Variants in NTSR1 observed in about 807,000 individuals in gnomAD.
NTSR1 encodes the protein neurotensin receptor 1, also known as neurotensin receptor type 1.
Under a neutral mutation model 31.2 loss-of-function variants are expected in NTSR1, and 29 were observed. That is an observed-to-expected ratio of 0.93 (90% CI 0.69 to 1.27). The LOEUF (loss-of-function observed/expected upper bound fraction) is 1.27. Among genes scored for constraint, NTSR1 ranks in the 50% most tolerant of loss-of-function variants. The probability of loss-of-function intolerance (pLI) is 0.00; values close to 1 mark genes in which losing one functional copy is unlikely to be tolerated. For synonymous variants in NTSR1, 282 were observed against 269.9 expected (o/e 1.04, Z -0.44); for missense variants, 697 against 595.4 (o/e 1.17, Z -1.78).
rs1478765163 is a variant in NTSR1 at position 62,725,817 on chromosome 20, G to A, written c.714+15896G>A. Among the ~76,000 whole-genome samples the A allele has an allele frequency of 3.3e-5, 5 of 152,272 alleles. No individual in the cohort carries two copies. The East Asian group carries it at 5.8e-4, about 18-fold the overall frequency. ...AGGGAGAAGAAGGGAGGTGGAAGAA[G>A]GGGGAGGTTGGAGGAGTGAGGGGGA... On this transcript the variant is annotated intron_variant, in intron 1 of 3. Transcript: ENST00000370501.
chr20:62,760,402 A>AC lies in NTSR1; in HGVS notation c.*143dup, dbSNP rs59903116. 1,787 of 862,448 alleles carry AC rather than the reference A, an allele frequency of 2.1e-3. 13 individuals are homozygous for AC. In the African/African-American group the frequency reaches 0.028, roughly 14 times the overall value. 53.4% of individuals were successfully genotyped at this position (862,448 alleles called of 1,614,324 possible). On this transcript the variant is annotated 3_prime_UTR_variant, in exon 4 of 4. Coordinates refer to ENST00000370501, the MANE Select transcript of NTSR1 (RefSeq NM_002531.3). ...CCTGCACTGGAGTCTGAGGCCTGGG[A>AC]CCCCCCCCTCCCACCCCCTAACCCA...
In NTSR1 at chr20:62,732,647, A is replaced by C. The variant is rs1045629007; in HGVS notation, c.715-22038A>C. 4 of 152,194 alleles carry C rather than the reference A, an allele frequency of 2.6e-5. No homozygotes were observed. The highest frequency in any genetic ancestry group is 6.5e-5 in the Admixed American group (1 of 15,274). 9.4% of individuals were successfully genotyped at this position (152,194 alleles called of 1,614,324 possible). A position where few individuals can be genotyped will look rare whatever the true frequency, so the allele number is the denominator to read the frequency against. ...GTTGAGGGTTTTTGCATCTGTGTTC[A>C]TGAGACATCCTGGTCTGCGTTTTCC... On this transcript the variant is annotated intron_variant, in intron 1 of 3. Coordinates refer to ENST00000370501, the MANE Select transcript of NTSR1 (RefSeq NM_002531.3). The surrounding 1 kb of genome is among the most constrained non-coding windows in gnomAD (Gnocchi z 4.0).
chr20:62,734,785 T>C (rs6010993), intron 1 of NTSR1, among the ~76,000 whole-genome samples: 16,047 of 152,254 alleles, frequency 0.11, 2,054 homozygotes, highest in East Asian at 0.31. Context: ...TGCAAGTTGA[T>C]ATGATATTTT....
At chr20:62,739,489 G>A (rs1376764153) in intron 1 of NTSR1, among the ~76,000 whole-genome samples, 2 of 152,252 alleles carry the variant, frequency 1.3e-5, no homozygotes, top group Non-Finnish European at 2.9e-5. Flanking sequence ...GAAGCAAGGA[G>A]AGCCAGGTGT....
intron 1 of NTSR1, among the ~76,000 whole-genome samples, chr20:62,739,253 A>G (rs1989160178): frequency 1.3e-5 from 2 of 152,148 alleles, no homozygotes; most frequent in African/African-American, 2.4e-5. Flanking sequence ...TTGGTTCACC[A>G]AGTCTCCCAC....
intron 1 of NTSR1, among the ~76,000 whole-genome samples, chr20:62,727,930 G>A (rs1443492971): frequency 6.6e-6 from 1 of 152,238 alleles, no homozygotes; most frequent in Non-Finnish European, 1.5e-5. Context: ...CAGCACCTGG[G>A]GCCTGCACTC....
intron 1 of NTSR1, among the ~76,000 whole-genome samples, chr20:62,754,427 A>C (rs533071045): frequency 1.3e-5 from 2 of 152,308 alleles, no homozygotes; most frequent in South Asian, 4.1e-4. Context: ...GGAGGGACTC[A>C]TGAAAGTAGG....
intron 1 of NTSR1, among the ~76,000 whole-genome samples, chr20:62,728,480 G>A (rs1173061275): frequency 6.6e-6 from 1 of 152,276 alleles, no homozygotes; most frequent in Non-Finnish European, 1.5e-5. Flanking sequence ...CTTCATTCCC[G>A]GGGATTTTTA....
At chr20:62,713,376 C>T (rs1988654507) in intron 1 of NTSR1, among the ~76,000 whole-genome samples, 1 of 152,224 alleles carries the variant, frequency 6.6e-6, no homozygotes, top group African/African-American at 2.4e-5. Flanking sequence ...AACCCCTGCT[C>T]CAGAGGCGTC....
chr20:62,712,865 T>G (rs1988643172), intron 1 of NTSR1, among the ~76,000 whole-genome samples: 1 of 152,130 alleles, frequency 6.6e-6, no homozygotes, highest in Non-Finnish European at 1.5e-5. Flanking sequence ...ACACGATCTG[T>G]GTGGCAGGGC....
At chr20:62,746,461 G>C (rs1989303153) in intron 1 of NTSR1, among the ~76,000 whole-genome samples, 1 of 152,214 alleles carries the variant, frequency 6.6e-6, no homozygotes, top group Non-Finnish European at 1.5e-5. Context: ...TCTGACGGCA[G>C]GGGCTCCTAT....
In NTSR1 at chr20:62,760,330, G is replaced by C. The variant is rs1989596788; in HGVS notation, c.*63G>C. The stretch of plus-strand genomic sequence containing the variant: ...CATGGGTCCTTGCCCCCGACAGACA[G>C]AGCAGCCCCCACCCGGGAGCCTTGA... On this transcript the variant is annotated 3_prime_UTR_variant, in exon 4 of 4. Coordinates refer to ENST00000370501, the MANE Select transcript of NTSR1 (RefSeq NM_002531.3). 4 of 1,535,732 alleles carry C rather than the reference G, an allele frequency of 2.6e-6. No individual in the cohort carries two copies. Among genetic ancestry groups the C allele is most frequent in the Admixed American group, 3.6e-5 (2 of 54,808 alleles).
chr20:62,737,066 A>G (rs541427802), intron 1 of NTSR1, among the ~76,000 whole-genome samples: 111 of 152,312 alleles, frequency 7.3e-4, no homozygotes, highest in African/African-American at 2.4e-3. Context: ...TCTTTCCTTT[A>G]TAAACTACAC....
Position 62,760,571 on chromosome 20 carries a change from A to C in NTSR1, c.*304A>C. On this transcript the variant is annotated 3_prime_UTR_variant, in exon 4 of 4. Coordinates refer to ENST00000370501, the MANE Select transcript of NTSR1 (RefSeq NM_002531.3). Reference sequence around the variant, plus strand: ...CAAGGAGAAATTAGTGTGCGGCAAAAGGCAGTTTTCTTTGTTCTCAGACTA... The same window carrying C: ...CAAGGAGAAATTAGTGTGCGGCAAACGGCAGTTTTCTTTGTTCTCAGACTA... The C allele has an allele frequency of 3.0e-6, 1 of 333,368 alleles. No homozygotes were observed. The highest frequency in any genetic ancestry group is 5.0e-5 in the East Asian group (1 of 20,150). 20.7% of individuals were successfully genotyped at this position (333,368 alleles called of 1,614,324 possible).
rs185206789 is a variant in NTSR1 at position 62,718,959 on chromosome 20, G to A, written c.714+9038G>A. On this transcript the variant is annotated intron_variant, in intron 1 of 3. Transcript: ENST00000370501. ...TCCTAAGCGATGCGCTGTTTTGAAC[G>A]TCCCTCACCCTAGCCTTAACCCACA... Among the ~76,000 whole-genome samples the A allele has an allele frequency of 2.6e-4, 40 of 152,198 alleles. No homozygotes were observed. The South Asian group carries it at 6.4e-3, about 25-fold the overall frequency.
chr20:62,709,645 C>T lies in NTSR1; in HGVS notation c.438C>T (p.Phe146=). ...FGDAGCRGYY[F]LRDACTYATA... Reference sequence around the variant, plus strand: ...ACGCCGGCTGCCGCGGCTACTACTTCCTGCGCGACGCCTGCACCTACGCCA... The same window carrying T: ...ACGCCGGCTGCCGCGGCTACTACTTTCTGCGCGACGCCTGCACCTACGCCA... The change falls in exon 1 of 4, where the codon TTC becomes TTT. Residue 146 remains phenylalanine, a synonymous_variant. Transcript: ENST00000370501. The T allele has an allele frequency of 6.2e-7, 1 of 1,612,550 alleles. No homozygotes were observed. The highest frequency in any genetic ancestry group is 8.5e-7 in the Non-Finnish European group (1 of 1,179,928).
intron 1 of NTSR1, among the ~76,000 whole-genome samples, chr20:62,725,123 A>G (rs1366687440): frequency 6.6e-6 from 1 of 152,240 alleles, no homozygotes; most frequent in Admixed American, 6.5e-5. Flanking sequence ...GTGCTCCCCA[A>G]GGCACAGGAT....
chr20:62,738,278 A>G (rs1415747471), intron 1 of NTSR1, among the ~76,000 whole-genome samples: 2 of 152,238 alleles, frequency 1.3e-5, no homozygotes. Context: ...GGACAGGGAC[A>G]GACAAGGCAG....
At chr20:62,750,075 C>G (rs779153733) in intron 1 of NTSR1, among the ~76,000 whole-genome samples, 4 of 152,176 alleles carry the variant, frequency 2.6e-5, no homozygotes, top group Non-Finnish European at 4.4e-5. Flanking sequence ...ACCCGCGGAT[C>G]GAGAGAGCGT....
Sources: allele counts gnomAD v4.1 joint callset (sites outside exome capture counted in the v4.1 genomes callset), GRCh38; gene constraint gnomAD v4.1.1; non-coding constraint Gnocchi (gnomAD v3.1); transcripts MANE v1.5; gene names NCBI Gene and HGNC (gene_info 2026-07-23, HGNC 2026-07-21).